LIMS2: variants seen among roughly 807,000 people sequenced by gnomAD.
LIMS2 encodes the protein LIM and senescent cell antigen-like-containing domain protein 2.
LIMS2 carries 30 observed loss-of-function variants against 45.3 expected under a neutral mutation model. The observed-to-expected ratio is 0.66, with a 90% CI of 0.50 to 0.90. LIMS2 has a LOEUF of 0.90. Among genes scored for constraint, LIMS2 ranks in the 40% least tolerant of loss-of-function variants. The probability of loss-of-function intolerance (pLI) is 0.00; values close to 1 mark genes in which losing one functional copy is unlikely to be tolerated. For missense variants in LIMS2, 485 were observed against 468.7 expected (o/e 1.03, Z -0.32); for synonymous variants, 173 against 188.0 (o/e 0.92, Z 0.65).
intron 6 of LIMS2, 78 bp from the exon 7 acceptor site, chr2:127,641,066 ACAGTGACCCCAGGAGC>A: frequency 8.5e-7 from 1 of 1,169,710 alleles, no homozygotes; most frequent in East Asian, 2.4e-5. Flanking sequence ...CCCGGGGACA[ACAGTGACCCCAGGAGC>A]CAGTGACTCC....
chr2:127,676,107 G>A (rs1189238910), upstream of LIMS2, among the ~76,000 whole-genome samples: 2 of 152,200 alleles, frequency 1.3e-5, no homozygotes, highest in Non-Finnish European at 2.9e-5. Flanking sequence ...CCCCCGCCCT[G>A]CCTAAAGGCA....
intron 1 of LIMS2, among the ~76,000 whole-genome samples, chr2:127,669,808 C>T (rs530757397): frequency 1.3e-5 from 2 of 152,154 alleles, no homozygotes; most frequent in South Asian, 4.2e-4. Flanking sequence ...AAAAAGACAA[C>T]CCGATTTAAA....
chr2:127,675,018 C>T lies in LIMS2; in HGVS notation c.7G>A (p.Gly3Arg). Residue 3 changes from glycine to arginine, a missense_variant, in exon 1 of 10, where the codon GGA becomes AGA. Coordinates refer to ENST00000355119, the MANE Select transcript of LIMS2 (RefSeq NM_001161403.3). ...GGCGTGGGTGGGGGCCGTTACCTTC[C>T]CGTCATGGTGGCAGCGACGCCGAGC... MTGSNMSDALANA... is the reference protein window; with the variant it reads MTRSNMSDALANA... 2 of 1,230,238 alleles carry T rather than the reference C, an allele frequency of 1.6e-6. No individual in the cohort carries two copies. Among genetic ancestry groups the T allele is most frequent in the East Asian group, 6.4e-5 (2 of 31,490 alleles). The allele number at this position is 1,230,238 out of a possible 1,614,324, so 76.2% of individuals were successfully genotyped here.
chr2:127,675,922 T>C (rs951083329), upstream of LIMS2, among the ~76,000 whole-genome samples: 13 of 152,354 alleles, frequency 8.5e-5, no homozygotes, highest in Admixed American at 8.5e-4. Flanking sequence ...TGGCGAAAGA[T>C]ATTTCTTAAA....
chr2:127,681,574 G>C (rs1685614772), exon 1 of LIMS2: 1 of 152,350 alleles, frequency 6.6e-6, no homozygotes, highest in South Asian at 2.1e-4. Context: ...AGGAGGAGAC[G>C]GAAGAAGCCG....
In LIMS2 at chr2:127,664,590, G is replaced by A; in HGVS notation, c.12-7028C>T. 1 of 1,136,416 alleles carries A rather than the reference G, an allele frequency of 8.8e-7. No individual in the cohort carries two copies. The highest frequency in any genetic ancestry group is 1.1e-6 in the Non-Finnish European group (1 of 927,460). The allele number at this position is 1,136,416 out of a possible 1,614,324, so 70.4% of individuals were successfully genotyped here. A position where few individuals can be genotyped will look rare whatever the true frequency, so the allele number is the denominator to read the frequency against. On this transcript the variant is annotated intron_variant, in intron 1 of 9. Transcript: ENST00000355119. This position sits in a 1 kb window ranked among gnomAD's most constrained non-coding sequence, Gnocchi z 5.5. ...CAGCAGAGTCAACTCCAAATAGAAA[G>A]GATATTGTTCGCGCCGCGGGGGCAG...
intron 1 of LIMS2, among the ~76,000 whole-genome samples, chr2:127,662,908 GC>G (rs1684771417): frequency 6.6e-6 from 1 of 152,206 alleles, no homozygotes; most frequent in Non-Finnish European, 1.5e-5. Context: ...TGAAATTAGA[GC>G]TTTTTTGAAG....
chr2:127,639,361 G>C lies in LIMS2; in HGVS notation c.946C>G (p.Leu316Val), dbSNP rs1454700502. ...KRCYEKFPLE[L>V]KKRLKKLSEL... ...GACAGCTTCTTCAGCCGCTTCTTCA[G>C]CTCCAGCGGGAACTTCTCGTAGCAC... Residue 316 changes from leucine to valine, a missense_variant, in exon 10 of 10, where the codon CTG (leucine) becomes GTG (valine). Coordinates refer to ENST00000355119, the MANE Select transcript of LIMS2 (RefSeq NM_001161403.3). 2 of 1,613,858 alleles carry C rather than the reference G, an allele frequency of 1.2e-6. No individual in the cohort carries two copies. The highest frequency in any genetic ancestry group is 8.5e-7 in the Non-Finnish European group (1 of 1,179,946).
rs1172987419 is a variant in LIMS2, at chr2:127,672,325, C to T, written c.11+2689G>A. Among the ~76,000 whole-genome samples the T allele has an allele frequency of 6.6e-6, 1 of 152,120 alleles. No homozygotes were observed. Among genetic ancestry groups the T allele is most frequent in the African/African-American group, 2.4e-5 (1 of 41,406 alleles). ...AAAGTCCCTGAGTTGCTGCTGAGGC[C>T]GAGCCCCCTCTCTTCCCACGGCGTG... On this transcript the variant is annotated intron_variant, in intron 1 of 9. Transcript: ENST00000355119. The surrounding 1 kb of genome is among the most constrained non-coding windows in gnomAD (Gnocchi z 4.9).
chr2:127,641,298 C>T (rs1457605247), intron 6 of LIMS2: 2 of 274,072 alleles, frequency 7.3e-6, no homozygotes, highest in Admixed American at 4.7e-5. Flanking sequence ...TGGCCTCCCC[C>T]TCGGCAGCCT....
At chr2:127,656,822 G>C (rs980536191) in intron 2 of LIMS2, among the ~76,000 whole-genome samples, 4 of 152,144 alleles carry the variant, frequency 2.6e-5, no homozygotes, top group African/African-American at 9.7e-5. Context: ...AGAGGCCCGT[G>C]GGGCCAAGCG....
chr2:127,640,807 A>G lies in LIMS2; in HGVS notation c.753+89T>C. The G allele has an allele frequency of 8.4e-6, 10 of 1,193,808 alleles. No individual in the cohort carries two copies. In the South Asian group the frequency reaches 8.7e-5, roughly 10 times the overall value. The allele number at this position is 1,193,808 out of a possible 1,614,324, so 74.0% of individuals were successfully genotyped here. A position where few individuals can be genotyped will look rare whatever the true frequency, so the allele number is the denominator to read the frequency against. On this transcript the variant is annotated intron_variant, in intron 7 of 9. Transcript: ENST00000355119. ...GGCTCAGCACCTGGCAGAGCTCCTG[A>G]GGGGGTGCCCACAGCCTCCCTTGCT...
At chr2:127,678,338 G>A (rs1472778033), upstream of LIMS2, among the ~76,000 whole-genome samples, 1 of 152,178 alleles carries the variant, frequency 6.6e-6, no homozygotes, top group Non-Finnish European at 1.5e-5. The surrounding 1 kb of genome is among the most constrained non-coding windows in gnomAD (Gnocchi z 5.3). Context: ...CAGAGAGGTG[G>A]TAACGTGAGT....
intron 1 of LIMS2, among the ~76,000 whole-genome samples, chr2:127,663,675 C>G (rs2105326806): frequency 7.2e-6 from 1 of 139,834 alleles, no homozygotes; most frequent in Middle Eastern, 3.7e-3. Flanking sequence ...TCCCCAGGGT[C>G]CCTATCTGTC....
At chr2:127,661,520 C>G (rs1244203800) in intron 1 of LIMS2, among the ~76,000 whole-genome samples, 1 of 152,188 alleles carries the variant, frequency 6.6e-6, no homozygotes, top group Non-Finnish European at 1.5e-5. Flanking sequence ...TTTGCACATT[C>G]CTTCAAGATA....
rs2105208940 is a variant in LIMS2, at chr2:127,643,012, G to A, written c.420C>T (p.Cys140=). The change falls in exon 5 of 10, where the codon TGC becomes TGT. Residue 140 remains cysteine, a synonymous_variant. Transcript: ENST00000355119. ...CGTCGATGACCAGGTGGCACCGCTG[G>A]CAGATGTACTTGCCCAGGCCCTTGG... The part of the protein sequence containing the change: ...EKAKGLGKYI[C]QRCHLVIDEQ... The A allele has an allele frequency of 6.3e-7, 1 of 1,584,078 alleles. No individual in the cohort carries two copies. Among genetic ancestry groups the A allele is most frequent in the Non-Finnish European group, 8.6e-7 (1 of 1,165,442 alleles).
At chr2:127,662,132 T>C (rs750723687) in intron 1 of LIMS2, among the ~76,000 whole-genome samples, 2 of 152,258 alleles carry the variant, frequency 1.3e-5, no homozygotes, top group South Asian at 2.1e-4. Context: ...CACACCAGGC[T>C]GCAACCCTGG....
intron 1 of LIMS2, among the ~76,000 whole-genome samples, chr2:127,660,310 C>T (rs1684536253): frequency 6.6e-6 from 1 of 152,214 alleles, no homozygotes; most frequent in Non-Finnish European, 1.5e-5. Context: ...CCCACAGCAG[C>T]AACCAGTTGG....
intron 7 of LIMS2, chr2:127,640,670 G>C (rs954928326): frequency 1.7e-5 from 10 of 598,180 alleles, no homozygotes; most frequent in Non-Finnish European, 2.4e-5. Flanking sequence ...CCATGTGCCC[G>C]GGACCTCACA....
Sources: gnomAD v4.1 joint callset for allele counts (sites outside exome capture counted in the v4.1 genomes callset) on GRCh38, gnomAD v4.1.1 for gene constraint, Gnocchi (gnomAD v3.1) non-coding constraint, MANE v1.5 for transcripts, NCBI Gene and HGNC (gene_info 2026-07-23, HGNC 2026-07-21) for gene names.